The following PSMD6 variants were observed in gnomAD, a reference collection of about 807,000 sequenced individuals.
The protein encoded by PSMD6 is proteasome 26S subunit, non-ATPase 6.
Under a neutral mutation model 44.9 loss-of-function variants are expected in PSMD6, and 7 were observed. That is an observed-to-expected ratio of 0.16 (90% confidence interval 0.09 to 0.29). The LOEUF is 0.29. Among genes scored for constraint, PSMD6 ranks in the 10% least tolerant of loss-of-function variants. PSMD6 has a pLI of 1.00. For missense variants in PSMD6, 420 were observed against 482.6 expected (o/e 0.87, Z 1.21); for synonymous variants, 184 against 172.7 (o/e 1.07, Z -0.51).
intron 5 of PSMD6, chr3:64,014,404 A>C (rs2076011860): frequency 6.6e-6 from 1 of 152,170 alleles, no homozygotes. Flanking sequence ...CTGTGAAGAA[A>C]ATAAAAGTAA....
At chr3:64,021,414 A>C (rs1414421963) in intron 2 of PSMD6, among the ~76,000 whole-genome samples, 2 of 152,264 alleles carry the variant, frequency 1.3e-5, no homozygotes, top group Non-Finnish European at 2.9e-5. Flanking sequence ...ACTTAAAAAA[A>C]AAATTCTGTA....
At chr3:64,021,788 G>A (rs2076137033) in intron 2 of PSMD6, among the ~76,000 whole-genome samples, 1 of 151,156 alleles carries the variant, frequency 6.6e-6, no homozygotes, top group Non-Finnish European at 1.5e-5. Context: ...TCCAGCCTGG[G>A]TGGCAAGAGT....
intron 2 of PSMD6, chr3:64,019,954 G>A (rs756176186): frequency 2.0e-5 from 3 of 152,234 alleles, no homozygotes; most frequent in Non-Finnish European, 2.9e-5. Context: ...GTGTCTGCCT[G>A]GTTTATGTAA....
chr3:64,018,497 A>G (rs17069687), intron 5 of PSMD6, 102 bp downstream of exon 5: 17,798 of 831,728 alleles, frequency 0.021, 285 homozygotes, highest in African/African-American at 0.069. Flanking sequence ...CTACCTACAC[A>G]CTACATTTCT....
At position 64,022,473 on chromosome 3, in the gene PSMD6, C is replaced by G; in HGVS notation, c.196G>C (p.Asp66His). 1 of 1,614,152 alleles carries G rather than the reference C, an allele frequency of 6.2e-7. No homozygotes were observed. Among genetic ancestry groups the G allele is most frequent in the Non-Finnish European group, 8.5e-7 (1 of 1,179,980 alleles). The change falls in exon 2 of 8, where the codon GAC becomes CAC. Residue 66 changes from aspartate to histidine, a missense_variant. This residue lies in a region of PSMD6 where 136 missense variants were observed against 124.2 expected (regional missense o/e 1.09). Coordinates refer to ENST00000295901, the MANE Select transcript of PSMD6 (RefSeq NM_014814.3). ...TTCATTTTATTGAGTAGGTCCACGT[C>G]TATCTGCCAGTCGAGGGATTTGCAC... Reference protein sequence around the residue: ...ALCKSLDWQIDVDLLNKMKKA... With the variant: ...ALCKSLDWQIHVDLLNKMKKA...
chr3:64,022,601 C>G (rs759729478), intron 1 of PSMD6, 78 bp from the exon 2 acceptor site: 19 of 1,544,682 alleles, frequency 1.2e-5, no homozygotes, highest in Non-Finnish European at 2.6e-6. Flanking sequence ...ATTTCACCCC[C>G]CGCCCCGCCA....
At position 64,019,251 on chromosome 3, in the gene PSMD6, A is replaced by G. The variant is rs1559677276; in HGVS notation, c.497+45T>C. 4 of 1,528,240 alleles carry G rather than the reference A, an allele frequency of 2.6e-6. No individual in the cohort carries two copies. The South Asian group carries it at 4.6e-5, about 18-fold the overall frequency. 94.7% of individuals were successfully genotyped at this position (1,528,240 alleles called of 1,614,324 possible). A position where few individuals can be genotyped will look rare whatever the true frequency, so the allele number is the denominator to read the frequency against. On this transcript the variant is annotated intron_variant, in intron 3 of 7. Coordinates refer to ENST00000295901, the MANE Select transcript of PSMD6 (RefSeq NM_014814.3). Reference sequence around the variant, plus strand: ...TTTCTTATATCAGCTTCTCATTTGTAGCATCATAATTTAGAGAAAATATAA... The same window carrying G: ...TTTCTTATATCAGCTTCTCATTTGTGGCATCATAATTTAGAGAAAATATAA...
In PSMD6 at chr3:64,010,601, TGTGAAGTAA is replaced by T; in HGVS notation, c.*58_*66del. On this transcript the variant is annotated 3_prime_UTR_variant, in exon 8 of 8. Coordinates refer to ENST00000295901, the MANE Select transcript of PSMD6 (RefSeq NM_014814.3). ...TTTTATACAGCTGACCTGGGCACAT[TGTGAAGTAA>T]GCTATAAAAATTCCAAATAATTATC... 1 of 1,178,956 alleles carries T rather than the reference TGTGAAGTAA, an allele frequency of 8.5e-7. No individual in the cohort carries two copies. The highest frequency in any genetic ancestry group is 1.2e-6 in the Non-Finnish European group (1 of 823,726). 73.0% of individuals were successfully genotyped at this position (1,178,956 alleles called of 1,614,324 possible). A position where few individuals can be genotyped will look rare whatever the true frequency, so the allele number is the denominator to read the frequency against.
chr3:64,022,217 TC>T (rs1378089139), intron 2 of PSMD6, 100 bp downstream of exon 2: 2 of 1,317,732 alleles, frequency 1.5e-6, no homozygotes, highest in African/African-American at 2.9e-5. Context: ...TTATACTTTT[TC>T]TAAAACGAAG....
chr3:64,014,472 C>T (rs1462603019), intron 5 of PSMD6: 1 of 152,072 alleles, frequency 6.6e-6, no homozygotes, highest in Non-Finnish European at 1.5e-5. Context: ...GAATACCTCT[C>T]TCAGGGGCTG....
chr3:64,021,211 AAAC>A (rs2076124664), intron 2 of PSMD6, among the ~76,000 whole-genome samples: 3 of 152,368 alleles, frequency 2.0e-5, no homozygotes, highest in African/African-American at 7.2e-5. Context: ...AAACAGATGA[AAAC>A]AACACATATG....
At chr3:64,020,790 T>G (rs983048086) in intron 2 of PSMD6, among the ~76,000 whole-genome samples, 13 of 152,356 alleles carry the variant, frequency 8.5e-5, no homozygotes, top group African/African-American at 2.6e-4. Flanking sequence ...GAGGGTTTCA[T>G]AAATCATAAT....
At chr3:64,022,958 T>C (rs2076156578) in intron 1 of PSMD6, 1 of 1,424,936 alleles carries the variant, frequency 7.0e-7, no homozygotes, top group Non-Finnish European at 9.3e-7. Flanking sequence ...CCGGGAGCAG[T>C]CCCCACTGAC....
At chr3:64,013,384 A>C in intron 6 of PSMD6, 55 bp downstream of exon 6, 1 of 1,454,668 alleles carries the variant, frequency 6.9e-7, no homozygotes, top group Non-Finnish European at 9.2e-7. Flanking sequence ...ACAAGTTCAC[A>C]TATTTTAAAA....
chr3:64,013,382 A>G (rs1453031415), intron 6 of PSMD6, 57 bp downstream of exon 6: 4 of 1,445,616 alleles, frequency 2.8e-6, no homozygotes, highest in Non-Finnish European at 3.7e-6. Context: ...GTACAAGTTC[A>G]CATATTTTAA....
chr3:64,014,443 C>A (rs894189083), intron 5 of PSMD6: 7 of 152,168 alleles, frequency 4.6e-5, no homozygotes, highest in Admixed American at 3.9e-4. Context: ...AAGCCCTCCA[C>A]TGGATTGGGG....
chr3:64,022,843 A>T (rs752318459), intron 1 of PSMD6: 17 of 1,533,216 alleles, frequency 1.1e-5, no homozygotes, highest in Non-Finnish European at 1.5e-5. Flanking sequence ...ATACTCACAT[A>T]CATATGTTCA....
At chr3:64,016,308 G>C (rs1171201104) in intron 5 of PSMD6, 1 of 152,056 alleles carries the variant, frequency 6.6e-6, no homozygotes, top group Non-Finnish European at 1.5e-5. Flanking sequence ...GGTGAGGTGA[G>C]ATACAAAACC....
Position 64,023,414 on chromosome 3 carries a change from C to A in PSMD6, c.6G>T (p.Pro2=). The A allele has an allele frequency of 6.3e-7, 1 of 1,598,322 alleles. No individual in the cohort carries two copies. Among genetic ancestry groups the A allele is most frequent in the Admixed American group, 1.7e-5 (1 of 59,146 alleles). Residue 2 remains proline (P), a synonymous_variant, in exon 1 of 8, where the codon CCG becomes CCT. Coordinates refer to ENST00000295901, the MANE Select transcript of PSMD6 (RefSeq NM_014814.3). The stretch of plus-strand genomic sequence containing the variant: ...GACCCTCCTCCTCCAGGTTCTCCAG[C>A]GGCATCGCGGCGAAGGGGACAGCGG... M[P]LENLEEEGLP... is the part of the protein sequence containing the mutation.
Sources: allele counts gnomAD v4.1 joint callset (sites outside exome capture counted in the v4.1 genomes callset), GRCh38; gene constraint gnomAD v4.1.1; regional missense constraint gnomAD v4.1.1; transcripts MANE v1.5; gene names NCBI Gene and HGNC (gene_info 2026-07-23, HGNC 2026-07-21).